Variants in DSCAM observed in about 807,000 individuals in gnomAD.
DSCAM encodes cell adhesion molecule DSCAM.
Under a neutral mutation model 217.7 loss-of-function variants are expected in DSCAM, and 47 were observed. That is an observed-to-expected ratio of 0.22 (90% CI 0.17 to 0.28). DSCAM has a LOEUF of 0.28. Ranked by LOEUF, DSCAM falls within the 10% of genes least tolerant of loss-of-function variation. The pLI is 1.00. For synonymous variants in DSCAM, 1,056 were observed against 1,015.3 expected, an observed-to-expected ratio of 1.04 and a Z score of -0.76; for missense variants, 2,080 against 2,618.3, an observed-to-expected ratio of 0.79 and a Z score of 4.49.
intron 3 of DSCAM, among the ~76,000 whole-genome samples, chr21:40,511,615 G>A (rs1366257453): frequency 6.6e-6 from 1 of 152,010 alleles, no homozygotes; most frequent in Non-Finnish European, 1.5e-5. Context: ...TCTTTATAGA[G>A]TAAAGTTACA....
intron 1 of DSCAM, among the ~76,000 whole-genome samples, chr21:40,838,853 G>A (rs955186871): frequency 6.6e-6 from 1 of 152,122 alleles, no homozygotes; most frequent in African/African-American, 2.4e-5. Context: ...GTCTGATTTT[G>A]TCCAGATTTC....
chr21:40,815,837 A>G (rs866161082), intron 1 of DSCAM, among the ~76,000 whole-genome samples: 4 of 152,200 alleles, frequency 2.6e-5, no homozygotes, highest in Non-Finnish European at 4.4e-5. Context: ...CAGTTTGCTC[A>G]TCTGTAAAGG....
At chr21:40,707,632 A>G (rs1337927844) in intron 2 of DSCAM, among the ~76,000 whole-genome samples, 1 of 152,244 alleles carries the variant, frequency 6.6e-6, no homozygotes, top group East Asian at 1.9e-4. Flanking sequence ...GAAAAAAATC[A>G]AAGTCACATT....
chr21:40,242,098 A>C (rs1035563772), intron 11 of DSCAM, among the ~76,000 whole-genome samples: 27 of 152,034 alleles, frequency 1.8e-4, no homozygotes, highest in African/African-American at 6.3e-4. Context: ...AACCCCAGTG[A>C]TATGTGTTTA....
intron 11 of DSCAM, among the ~76,000 whole-genome samples, chr21:40,247,914 T>C (rs948286946): frequency 3.9e-5 from 6 of 152,166 alleles, no homozygotes; most frequent in African/African-American, 1.4e-4. Flanking sequence ...TCCATACATC[T>C]CCTGAAACCT....
At chr21:40,828,324 C>T (rs1414450061) in intron 1 of DSCAM, among the ~76,000 whole-genome samples, 2 of 152,176 alleles carry the variant, frequency 1.3e-5, no homozygotes, top group African/African-American at 4.8e-5. Flanking sequence ...ATGGAGGTTT[C>T]AGCTTTCAAC....
intron 3 of DSCAM, among the ~76,000 whole-genome samples, chr21:40,587,652 T>C (rs921674507): frequency 1.3e-5 from 2 of 152,352 alleles, no homozygotes; most frequent in South Asian, 4.1e-4. Context: ...GAGTAATTTT[T>C]TTCAGTGATG....
chr21:40,563,760 ATGTT>A (rs1403403054), intron 3 of DSCAM, among the ~76,000 whole-genome samples: 7 of 131,128 alleles, frequency 5.3e-5, no homozygotes, highest in Non-Finnish European at 8.5e-5. Context: ...ATGTTTATAT[ATGTT>A]TGTATGTTTA....
intron 16 of DSCAM, among the ~76,000 whole-genome samples, chr21:40,158,555 G>A (rs999038060): frequency 6.6e-6 from 1 of 152,170 alleles, no homozygotes; most frequent in Non-Finnish European, 1.5e-5. Flanking sequence ...TACTCCACAA[G>A]TCCAGATGCA....
intron 3 of DSCAM, among the ~76,000 whole-genome samples, chr21:40,477,281 G>C (rs1017989455): frequency 6.6e-6 from 1 of 151,784 alleles, no homozygotes; most frequent in Admixed American, 6.6e-5. Context: ...ATCAGAAATT[G>C]ATCTAACAAA....
Position 40,044,201 on chromosome 21 carries a change from G to C in DSCAM, c.5260C>G (p.Arg1754Gly). The C allele has an allele frequency of 6.2e-7, 1 of 1,614,168 alleles. No individual in the cohort carries two copies. Among genetic ancestry groups the C allele is most frequent in the South Asian group, 1.1e-5 (1 of 91,082 alleles). Residue 1754 changes from arginine (R) to glycine (G), a missense_variant, in exon 31 of 33, where the codon CGA becomes GGA. Around this residue, in one of 5 missense-constraint regions of DSCAM, gnomAD observed 1,144 missense variants for 1,421.1 expected, o/e 0.81. Coordinates refer to ENST00000400454, the MANE Select transcript of DSCAM (RefSeq NM_001389.5). ...NRYASQWTLN[R>G]PHPTISAHTL... ...TGTGCTGAGATGGTGGGGTGGGGTCGGTTGAGGGTCCACTGGCTGGCATAG... is the reference window on the plus strand; with the variant it reads ...TGTGCTGAGATGGTGGGGTGGGGTCCGTTGAGGGTCCACTGGCTGGCATAG...
chr21:40,322,598 C>A (rs1160750118), intron 8 of DSCAM, among the ~76,000 whole-genome samples: 3 of 151,918 alleles, frequency 2.0e-5, no homozygotes, highest in Non-Finnish European at 4.4e-5. Flanking sequence ...GATCTCGGCT[C>A]ATGGCAACCT....
At position 40,428,232 on chromosome 21, in the gene DSCAM, CTTTGTGTGTGTGTG is replaced by C. The variant is rs1456228421; in HGVS notation, c.509-59001_509-58988del. ...AACTGTGTGACCATGAGGGCAAATA[CTTTGTGTGTGTGTG>C]TGTGTGTGTGTGTGTGTGTGTGTGT... On this transcript the variant is annotated intron_variant, in intron 3 of 32. Coordinates refer to ENST00000400454, the MANE Select transcript of DSCAM (RefSeq NM_001389.5). 7.6e-4 allele frequency among the ~76,000 whole-genome samples: 98 copies of C among 129,530 alleles called. 1 individual carries two copies. The highest frequency in any genetic ancestry group is 2.9e-3 in the African/African-American group (98 of 34,042). 85.0% of individuals were successfully genotyped at this position (129,530 alleles called of 152,430 possible).
intron 3 of DSCAM, among the ~76,000 whole-genome samples, chr21:40,545,272 T>C (rs1400969027): frequency 1.3e-5 from 2 of 152,208 alleles, no homozygotes; most frequent in Non-Finnish European, 2.9e-5. Context: ...CAATGTCTGT[T>C]GTTTAAGCCA....
At chr21:40,404,339 T>C (rs2075263268) in intron 3 of DSCAM, among the ~76,000 whole-genome samples, 2 of 152,206 alleles carry the variant, frequency 1.3e-5, no homozygotes. Flanking sequence ...TGGAGATCTC[T>C]TAGATCAAAG....
chr21:40,436,710 G>A (rs902794371), intron 3 of DSCAM, among the ~76,000 whole-genome samples: 6 of 152,080 alleles, frequency 3.9e-5, no homozygotes, highest in African/African-American at 7.2e-5. Context: ...GGCCGCCCTC[G>A]TTAAAAAATG....
chr21:40,563,509 G>T (rs1415502473), intron 3 of DSCAM, among the ~76,000 whole-genome samples: 3 of 143,142 alleles, frequency 2.1e-5, no homozygotes, highest in African/African-American at 7.9e-5. Flanking sequence ...ATAAAAATTT[G>T]TAAAACAAAA....
At chr21:40,698,687 T>C (rs950664821) in intron 2 of DSCAM, among the ~76,000 whole-genome samples, 2 of 151,960 alleles carry the variant, frequency 1.3e-5, no homozygotes, top group African/African-American at 2.4e-5. Flanking sequence ...CTGGCCAACA[T>C]GGTGAAACCC....
intron 3 of DSCAM, among the ~76,000 whole-genome samples, chr21:40,597,460 T>C: frequency 6.9e-6 from 1 of 145,046 alleles, no homozygotes; most frequent in Admixed American, 6.9e-5. Context: ...GCAAGCCGGT[T>C]TTTTTTTTTT....
Sources: allele counts gnomAD v4.1 joint callset (sites outside exome capture counted in the v4.1 genomes callset), GRCh38; gene constraint gnomAD v4.1.1; regional missense constraint gnomAD v4.1.1; transcripts MANE v1.5; gene names NCBI Gene and HGNC (gene_info 2026-07-23, HGNC 2026-07-21).